The following OSBP2 variants were observed in gnomAD, a reference collection of about 807,000 sequenced individuals.
OSBP2 encodes oxysterol-binding protein 2.
A neutral mutation model predicts 96.0 loss-of-function variants in OSBP2; 66 were observed. The ratio of observed to expected loss-of-function variants is 0.69; its 90% CI spans 0.56 to 0.84. The LOEUF (loss-of-function observed/expected upper bound fraction) is 0.84. Ranked by LOEUF, OSBP2 falls within the 40% of genes least tolerant of loss-of-function variation. The pLI, the probability that OSBP2 is intolerant of heterozygous loss-of-function variation, is 0.00. For synonymous variants in OSBP2, 525 were observed against 520.9 expected (o/e 1.01, Z -0.11); for missense variants, 1,038 against 1,222.7 (o/e 0.85, Z 2.25).
intron 1 of OSBP2, among the ~76,000 whole-genome samples, chr22:30,699,136 G>A (rs1437828241): frequency 6.6e-6 from 1 of 151,906 alleles, no homozygotes; most frequent in Non-Finnish European, 1.5e-5. Flanking sequence ...GTAGACACAA[G>A]GTTTCGTTAT....
At chr22:30,790,128 T>G (rs2090651649) in intron 2 of OSBP2, among the ~76,000 whole-genome samples, 1 of 151,942 alleles carries the variant, frequency 6.6e-6, no homozygotes, top group South Asian at 2.1e-4. Context: ...GAGTGGCCCA[T>G]TGGGTGTGGG....
intron 1 of OSBP2, among the ~76,000 whole-genome samples, chr22:30,718,782 G>A (rs2089501168): frequency 6.6e-6 from 1 of 152,086 alleles, no homozygotes; most frequent in Admixed American, 6.6e-5. Context: ...CAGATTTGTT[G>A]CAGAAATGGC....
chr22:30,869,364 A>C (rs1353178105), intron 2 of OSBP2, among the ~76,000 whole-genome samples: 2 of 152,144 alleles, frequency 1.3e-5, no homozygotes, highest in Admixed American at 6.5e-5. Context: ...TCCAGTCCCT[A>C]CCCTGCAAGG....
Position 30,870,312 on chromosome 22 carries a change from G to A in OSBP2, c.854-117G>A, listed in dbSNP as rs1485705087. On this transcript the variant is annotated intron_variant, in intron 2 of 13. Transcript: ENST00000332585. This position sits in a 1 kb window ranked among gnomAD's most constrained non-coding sequence, Gnocchi z 4.1. ...CAGGAACAGGAACGGGCACCATCTC[G>A]GGGACTGATGTTTTTTGAATGGCGC... is the stretch of plus-strand genomic sequence containing the variant. 1.2e-5 allele frequency: 13 copies of A among 1,064,484 alleles called. No homozygotes were observed. The highest frequency in any genetic ancestry group is 2.4e-5 in the East Asian group (1 of 41,230). The allele number at this position is 1,064,484 out of a possible 1,614,324, so 65.9% of individuals were successfully genotyped here. A position where few individuals can be genotyped will look rare whatever the true frequency, so the allele number is the denominator to read the frequency against.
At chr22:30,738,238 C>G (rs1194465150) in intron 1 of OSBP2, among the ~76,000 whole-genome samples, 2 of 151,928 alleles carry the variant, frequency 1.3e-5, no homozygotes, top group Non-Finnish European at 2.9e-5. Context: ...TGGTCTTTGC[C>G]CCTGCTGCTC....
At chr22:30,805,156 T>C (rs1437922775) in intron 2 of OSBP2, among the ~76,000 whole-genome samples, 1 of 152,236 alleles carries the variant, frequency 6.6e-6, no homozygotes. Context: ...TAGATCCAGC[T>C]CACAGTCTCT....
chr22:30,886,533 G>C (rs1159559210), intron 3 of OSBP2, among the ~76,000 whole-genome samples: 14 of 152,180 alleles, frequency 9.2e-5, no homozygotes, highest in Non-Finnish European at 2.1e-4. Flanking sequence ...CTAGCTCTGT[G>C]AATAGAGATT....
chr22:30,747,093 A>G (rs929086007), intron 2 of OSBP2, among the ~76,000 whole-genome samples: 1 of 152,232 alleles, frequency 6.6e-6, no homozygotes, highest in Non-Finnish European at 1.5e-5. Flanking sequence ...CAACTGATAC[A>G]GAAAAACGAT....
At chr22:30,802,288 T>C (rs2090860993) in intron 2 of OSBP2, among the ~76,000 whole-genome samples, 1 of 152,122 alleles carries the variant, frequency 6.6e-6, no homozygotes, top group Non-Finnish European at 1.5e-5. Flanking sequence ...TTCTGCGAGA[T>C]GTCATCAGGC....
At position 30,863,834 on chromosome 22, in the gene OSBP2, A is replaced by G. The variant is rs572341571; in HGVS notation, c.854-6595A>G. On this transcript the variant is annotated intron_variant, in intron 2 of 13. Transcript: ENST00000332585. ...GCCCCTATACTGCACTGATGCAGGC[A>G]TGCCTGCTGTGGGGAGTGGGGAGCA... Among the ~76,000 whole-genome samples, 81 of 152,312 alleles carry G rather than the reference A, an allele frequency of 5.3e-4. 1 individual carries two copies. Among genetic ancestry groups the G allele is most frequent in the South Asian group, 2.3e-3 (11 of 4,816 alleles).
At chr22:30,751,486 C>G (rs1047543499) in intron 2 of OSBP2, among the ~76,000 whole-genome samples, 4 of 152,066 alleles carry the variant, frequency 2.6e-5, no homozygotes, top group Non-Finnish European at 1.5e-5. Flanking sequence ...TCCCAAGTAG[C>G]TGGGATTATA....
At chr22:30,844,984 T>A (rs2038839544) in intron 2 of OSBP2, among the ~76,000 whole-genome samples, 1 of 152,114 alleles carries the variant, frequency 6.6e-6, no homozygotes, top group Non-Finnish European at 1.5e-5. Context: ...AGGAGAGAGA[T>A]GGGGGAATGG....
chr22:30,783,944 A>G (rs2090553592), intron 2 of OSBP2, among the ~76,000 whole-genome samples: 1 of 152,208 alleles, frequency 6.6e-6, no homozygotes, highest in Non-Finnish European at 1.5e-5. Flanking sequence ...GGACCGTGTT[A>G]CTTGAAAGTG....
At chr22:30,822,518 G>A (rs2038297351) in intron 2 of OSBP2, 14 of 1,374,576 alleles carry the variant, frequency 1.0e-5, no homozygotes, top group Non-Finnish European at 1.3e-5. Flanking sequence ...GGACCCACGA[G>A]TGTCCGCCGC....
intron 1 of OSBP2, among the ~76,000 whole-genome samples, chr22:30,730,812 T>TTATTATTA (rs1569100836): frequency 2.1e-5 from 1 of 48,440 alleles, no homozygotes; most frequent in Non-Finnish European, 3.7e-5. Flanking sequence ...ATATATAATT[T>TTATTATTA]TTTTTTTTTT....
At chr22:30,769,340 A>G (rs2145786764) in intron 2 of OSBP2, among the ~76,000 whole-genome samples, 1 of 152,304 alleles carries the variant, frequency 6.6e-6, no homozygotes. Context: ...GAGGGTAAAT[A>G]ACAACAACAA....
chr22:30,738,023 TC>T (rs931252250), intron 1 of OSBP2, among the ~76,000 whole-genome samples: 1 of 151,424 alleles, frequency 6.6e-6, no homozygotes, highest in African/African-American at 2.4e-5. Context: ...AGACTCTAAA[TC>T]CTTAACGTAG....
intron 1 of OSBP2, among the ~76,000 whole-genome samples, chr22:30,701,850 G>A (rs952526782): frequency 1.3e-5 from 2 of 152,160 alleles, no homozygotes; most frequent in African/African-American, 4.8e-5. Flanking sequence ...ACTGTTAGGA[G>A]GCCGAAAAGG....
At chr22:30,850,462 C>T (rs188510006) in intron 2 of OSBP2, among the ~76,000 whole-genome samples, 204 of 152,164 alleles carry the variant, frequency 1.3e-3, no homozygotes, top group African/African-American at 4.8e-3. Flanking sequence ...TTAAGTCCTC[C>T]AGGTTTGTTC....
Sources: allele counts gnomAD v4.1 joint callset (sites outside exome capture counted in the v4.1 genomes callset), GRCh38; gene constraint gnomAD v4.1.1; non-coding constraint Gnocchi (gnomAD v3.1); transcripts MANE v1.5; gene names NCBI Gene and HGNC (gene_info 2026-07-23, HGNC 2026-07-21).